Variants in MRI1 observed in about 807,000 individuals in gnomAD.
The protein encoded by MRI1 is methylthioribose-1-phosphate isomerase.
MRI1 carries 32 observed loss-of-function variants against 27.3 expected under a neutral mutation model. The ratio of observed to expected loss-of-function variants is 1.17; its 90% CI spans 0.88 to 1.57. The LOEUF (loss-of-function observed/expected upper bound fraction) is 1.57, where lower values mean the gene tolerates loss of function less well. MRI1 is among the 40% of genes most tolerant of loss of function. The pLI is 0.00. For missense variants in MRI1, 508 were observed against 516.1 expected, an observed-to-expected ratio of 0.98 and a Z score of 0.15; for synonymous variants, 216 against 227.4, an observed-to-expected ratio of 0.95 and a Z score of 0.45.
intron 5 of MRI1, among the ~76,000 whole-genome samples, chr19:13,769,956 A>G (rs1176226798): frequency 1.3e-5 from 2 of 151,850 alleles, no homozygotes; most frequent in Non-Finnish European, 2.9e-5. Context: ...AGATATTTCT[A>G]CACTTATTTT....
rs1026942268 is a variant in MRI1, at chr19:13,768,727, G to A, written c.714G>A (p.Arg238=). Residue 238 remains arginine, a synonymous_variant, in exon 4 of 6, where the codon AGG becomes AGA. Transcript: ENST00000040663. ...DSMVAAAMAH[R]GVSAVVVGAD... ...TGGTGGCTGCTGCCATGGCCCATAGGGGCGTGTCAGGTAAGCAGACGGTAA... is the reference window on the plus strand; with the variant it reads ...TGGTGGCTGCTGCCATGGCCCATAGAGGCGTGTCAGGTAAGCAGACGGTAA... The A allele has an allele frequency of 2.5e-6, 4 of 1,612,834 alleles. No individual in the cohort carries two copies. Among genetic ancestry groups the A allele is most frequent in the Non-Finnish European group, 3.4e-6 (4 of 1,179,468 alleles).
rs779174440 is a variant in MRI1 at position 13,772,271 on chromosome 19, C to T, written c.1100C>T (p.Pro367Leu). ...TCCAGGGATGGAACCCTAGATGGACCCCAGATGTAACCAACTCAGCTCTCC... is the reference window on the plus strand; with the variant it reads ...TCCAGGGATGGAACCCTAGATGGACTCCAGATGTAACCAACTCAGCTCTCC... Reference protein sequence around the residue: ...ISSRDGTLDGPQM With the variant: ...ISSRDGTLDGLQM Residue 367 changes from proline to leucine, a missense_variant, in exon 6 of 6, where the codon CCC becomes CTC. This residue lies in a region of MRI1 where 457 missense variants were observed against 452.8 expected (regional missense o/e 1.01). Coordinates refer to ENST00000040663, the MANE Select transcript of MRI1 (RefSeq NM_001031727.4). 5 of 1,612,746 alleles carry T rather than the reference C, an allele frequency of 3.1e-6. No homozygotes were observed. In the South Asian group the frequency reaches 5.5e-5, roughly 18 times the overall value.
Position 13,765,045 on chromosome 19 carries a change from C to G in MRI1, c.307C>G (p.Leu103Val), listed in dbSNP as rs1248995740. ...AVNMARAARDLADVAAREAER... is the reference protein window; with the variant it reads ...AVNMARAARDVADVAAREAER... ...CAACATGGCCCGCGCCGCCCGCGAC[C>G]TGGCTGATGTTGCAGCCCGGGAGGC... is the stretch of plus-strand genomic sequence containing the variant. The change falls in exon 2 of 6, where the codon CTG becomes GTG. Residue 103 changes from leucine (L) to valine (V), a missense_variant. By Grantham distance (32) the Leu-to-Val change is conservative (BLOSUM62 1). This residue lies in a region of MRI1 where 457 missense variants were observed against 452.8 expected (regional missense o/e 1.01). Coordinates refer to ENST00000040663, the MANE Select transcript of MRI1 (RefSeq NM_001031727.4). 1 of 1,526,640 alleles carries G rather than the reference C, an allele frequency of 6.6e-7. No homozygotes were observed. The highest frequency in any genetic ancestry group is 1.4e-5 in the African/African-American group (1 of 71,746). The allele number at this position is 1,526,640 out of a possible 1,614,324, so 94.6% of individuals were successfully genotyped here.
chr19:13,772,390 G>C lies in MRI1; in HGVS notation c.*109G>C. The C allele has an allele frequency of 8.9e-7, 1 of 1,125,132 alleles. No homozygotes were observed. Among genetic ancestry groups the C allele is most frequent in the South Asian group, 1.6e-5 (1 of 60,802 alleles). 69.7% of individuals were successfully genotyped at this position (1,125,132 alleles called of 1,614,324 possible). A position where few individuals can be genotyped will look rare whatever the true frequency, so the allele number is the denominator to read the frequency against. ...CTGACCACACTTGTTCCTAGTGCAGGGAGCTCAGACAGGGCCTTCCATCTA... is the reference window on the plus strand; with the variant it reads ...CTGACCACACTTGTTCCTAGTGCAGCGAGCTCAGACAGGGCCTTCCATCTA... On this transcript the variant is annotated 3_prime_UTR_variant, in exon 6 of 6. Transcript: ENST00000040663.
chr19:13,772,306 C>T lies in MRI1; in HGVS notation c.*25C>T. ...ACCAACTCAGCTCTCCCTAGCCTGC[C>T]TCTCTAGGTTTTTCAATACATTTCT... is the stretch of plus-strand genomic sequence containing the variant. On this transcript the variant is annotated 3_prime_UTR_variant, in exon 6 of 6. Transcript: ENST00000040663. 6.3e-7 allele frequency: 1 copy of T among 1,596,814 alleles called. No homozygotes were observed. Among genetic ancestry groups the T allele is most frequent in the Non-Finnish European group, 8.5e-7 (1 of 1,170,768 alleles).
At chr19:13,768,520 C>T (rs1294315921) in intron 3 of MRI1, 41 bp from the exon 4 acceptor site, 1 of 1,594,250 alleles carries the variant, frequency 6.3e-7, no homozygotes, top group Non-Finnish European at 8.5e-7. Flanking sequence ...GTCTGTTTGC[C>T]CCTCCCCGGG....
Position 13,764,637 on chromosome 19 carries a change from G to C in MRI1, c.49G>C (p.Asp17His), listed in dbSNP as rs751682443. ...CTCGCGGGGCTCCCTGCAGATCCTA[G>C]ACCAGCTGCTGCTGCCCAAGCAGAG... Reference protein sequence around the residue: ...RYSRGSLQILDQLLLPKQSRY... With the variant: ...RYSRGSLQILHQLLLPKQSRY... Residue 17 changes from aspartate to histidine, a missense_variant, in exon 1 of 6, where the codon GAC (aspartate) becomes CAC (histidine). Physicochemically the swap from Asp to His is moderately conservative, Grantham distance 81 (BLOSUM62 -1). This residue lies in a region of MRI1 where 32 missense variants were observed against 20.2 expected (regional missense o/e 1.58). Transcript: ENST00000040663. The C allele has an allele frequency of 1.2e-6, 2 of 1,608,472 alleles. No individual in the cohort carries two copies. Among genetic ancestry groups the C allele is most frequent in the Non-Finnish European group, 1.7e-6 (2 of 1,179,044 alleles).
At chr19:13,771,203 CA>C (rs113973693) in intron 5 of MRI1, among the ~76,000 whole-genome samples, 3,152 of 133,916 alleles carry the variant, frequency 0.024, 100 homozygotes, top group African/African-American at 0.078. Context: ...ACTAAAAATA[CA>C]AAAAAAAAAA....
chr19:13,768,354 A>G (rs1974186634), intron 3 of MRI1: 1 of 1,385,590 alleles, frequency 7.2e-7, no homozygotes, highest in Non-Finnish European at 1.0e-6. Context: ...GTGTCCTTTA[A>G]ACAGACGTGA....
In MRI1 at chr19:13,764,735, CGGGG is replaced by C. The variant is rs765276162; in HGVS notation, c.132+16_132+19del. 0.082 allele frequency: 184 copies of C among 2,254 alleles called. 18 individuals carry two copies. The highest frequency in any genetic ancestry group is 0.46 in the South Asian group (181 of 396). The allele number at this position is 2,254 out of a possible 1,614,324, so 0.1% of individuals were successfully genotyped here. ...GCGCCATGAAGGTGCAGCGGGGCGG[CGGGG>C]CGGCGGGGCGGCGGGGCGGCGGGGC... On this transcript the variant is annotated intron_variant, in intron 1 of 5. Transcript: ENST00000040663.
rs1210070678 is a variant in MRI1, at chr19:13,768,562, TG to T, written c.550del (p.Val184Ter). 1 of 1,603,224 alleles carries T rather than the reference TG, an allele frequency of 6.2e-7. No homozygotes were observed. The highest frequency in any genetic ancestry group is 1.3e-5 in the African/African-American group (1 of 74,612). On this transcript the variant is annotated frameshift_variant and splice_region_variant, in exon 4 of 6. Coordinates refer to ENST00000040663, the MANE Select transcript of MRI1 (RefSeq NM_001031727.4). LOFTEE classifies it high-confidence loss of function. ...TCCTGGTGGGTGGGGCCCCCGCAGG[TG>T]TGATTCGCTCACTGCACAGCCTGGG... ...ATAGYGTALG[V>X]IRSLHSLGRL...
At chr19:13,769,120 C>T (rs1974216921) in intron 5 of MRI1, 72 bp downstream of exon 5, 26 of 1,266,056 alleles carry the variant, frequency 2.1e-5, no homozygotes, top group Non-Finnish European at 2.8e-5. Flanking sequence ...TATGCAGGTC[C>T]TTGTCATCCT....
rs1218893350 is a variant in MRI1, at chr19:13,765,107, G to A, written c.369G>A (p.Glu123=). The A allele has an allele frequency of 6.6e-7, 1 of 1,524,978 alleles. No homozygotes were observed. Among genetic ancestry groups the A allele is most frequent in the African/African-American group, 1.4e-5 (1 of 71,256 alleles). 94.5% of individuals were successfully genotyped at this position (1,524,978 alleles called of 1,614,324 possible). The part of the protein sequence containing the change: ...REGATEEAVR[E]RVICCTEDML... The stretch of plus-strand genomic sequence containing the variant: ...GCGCTACGGAAGAGGCGGTCCGGGA[G>A]AGGTACGGGGATCTGGTACCAGGCA... The change falls in exon 2 of 6, where the codon GAG becomes GAA. Residue 123 remains glutamate, a splice_region_variant and synonymous_variant. Coordinates refer to ENST00000040663, the MANE Select transcript of MRI1 (RefSeq NM_001031727.4).
Position 13,772,381 on chromosome 19 carries a change from C to G in MRI1, c.*100C>G. 2 of 1,208,688 alleles carry G rather than the reference C, an allele frequency of 1.7e-6. No homozygotes were observed. Among genetic ancestry groups the G allele is most frequent in the Non-Finnish European group, 2.3e-6 (2 of 870,214 alleles). The allele number at this position is 1,208,688 out of a possible 1,614,324, so 74.9% of individuals were successfully genotyped here. ...GTCCAGCCCCTGACCACACTTGTTC[C>G]TAGTGCAGGGAGCTCAGACAGGGCC... On this transcript the variant is annotated 3_prime_UTR_variant, in exon 6 of 6. Transcript: ENST00000040663.
chr19:13,769,073 A>C lies in MRI1; in HGVS notation c.949+25A>C, dbSNP rs535795178. ...GGTAAGCTGCCCCCTCAGAAAGGGG[A>C]CACCCCAGCTCCTGGGCACTTCATG... is the stretch of plus-strand genomic sequence containing the variant. On this transcript the variant is annotated intron_variant, in intron 5 of 5. Coordinates refer to ENST00000040663, the MANE Select transcript of MRI1 (RefSeq NM_001031727.4). 2.4e-4 allele frequency: 380 copies of C among 1,573,272 alleles called. 5 individuals are homozygous for C. In the South Asian group the frequency reaches 4.1e-3, roughly 17 times the overall value.
rs750615781 is a variant in MRI1 at position 13,765,039 on chromosome 19, C to A, written c.301C>A (p.Arg101Ser). The A allele has an allele frequency of 1.3e-6, 2 of 1,525,226 alleles. No individual in the cohort carries two copies. The highest frequency in any genetic ancestry group is 2.0e-5 in the Admixed American group (1 of 49,908). The allele number at this position is 1,525,226 out of a possible 1,614,324, so 94.5% of individuals were successfully genotyped here. ...PTAVNMARAA[R>S]DLADVAAREA... Reference sequence around the variant, plus strand: ...CGCTGTCAACATGGCCCGCGCCGCCCGCGACCTGGCTGATGTTGCAGCCCG... The same window carrying A: ...CGCTGTCAACATGGCCCGCGCCGCCAGCGACCTGGCTGATGTTGCAGCCCG... Residue 101 changes from arginine to serine, a missense_variant, in exon 2 of 6, where the codon CGC (arginine) becomes AGC (serine). Arg to Ser is a moderately radical substitution (Grantham distance 110). Coordinates refer to ENST00000040663, the MANE Select transcript of MRI1 (RefSeq NM_001031727.4).
At chr19:13,768,762 G>A (rs1974203087) in intron 4 of MRI1, 25 bp downstream of exon 4, 1 of 1,601,290 alleles carries the variant, frequency 6.2e-7, no homozygotes, top group African/African-American at 1.3e-5. Flanking sequence ...AGCCCTGGGG[G>A]CGGGGCTCTG....
chr19:13,770,367 T>C (rs1242173044), intron 5 of MRI1, among the ~76,000 whole-genome samples: 4 of 149,204 alleles, frequency 2.7e-5, no homozygotes, highest in East Asian at 2.0e-4. Flanking sequence ...GGCGGATCAC[T>C]TGAGGTCAGG....
At position 13,773,870 on chromosome 19, in the gene MRI1, C is replaced by T. The variant is rs1974324183; in HGVS notation, c.*1589C>T. On this transcript the variant is annotated 3_prime_UTR_variant, in exon 6 of 6. Coordinates refer to ENST00000040663, the MANE Select transcript of MRI1 (RefSeq NM_001031727.4). ...ACACCATGTTAGTCGTGGCTGGTCT[C>T]CAACTCCTGACCTCGGGTGATCCGC... 3 of 152,334 alleles carry T rather than the reference C, an allele frequency of 2.0e-5. No homozygotes were observed. 9.4% of individuals were successfully genotyped at this position (152,334 alleles called of 1,614,324 possible). A position where few individuals can be genotyped will look rare whatever the true frequency, so the allele number is the denominator to read the frequency against.
Sources: allele counts gnomAD v4.1 joint callset (sites outside exome capture counted in the v4.1 genomes callset), GRCh38; gene constraint gnomAD v4.1.1; regional missense constraint gnomAD v4.1.1; transcripts MANE v1.5; gene names NCBI Gene and HGNC (gene_info 2026-07-23, HGNC 2026-07-21).